BLNK: variants seen among roughly 807,000 people sequenced by gnomAD.
BLNK encodes B cell linker, also known as B-cell linker protein.
BLNK carries 29 observed loss-of-function variants against 73.5 expected under a neutral mutation model. The observed-to-expected ratio is 0.39, with a 90% CI of 0.29 to 0.54. The LOEUF is 0.54. Among genes scored for constraint, BLNK ranks in the 20% least tolerant of loss-of-function variants. The probability of loss-of-function intolerance (pLI) is 0.61; values close to 1 mark genes in which losing one functional copy is unlikely to be tolerated. For missense variants in BLNK, 460 were observed against 562.8 expected (o/e 0.82, Z 1.85); for synonymous variants, 176 against 200.8 (o/e 0.88, Z 1.04).
rs1258179258 is a variant in BLNK at position 96,200,925 on chromosome 10, G to A, written c.1011+57C>T. 1 of 1,459,748 alleles carries A rather than the reference G, an allele frequency of 6.9e-7. No individual in the cohort carries two copies. 90.4% of individuals were successfully genotyped at this position (1,459,748 alleles called of 1,614,324 possible). On this transcript the variant is annotated intron_variant, in intron 14 of 16. Transcript: ENST00000224337. This position sits in a 1 kb window ranked among gnomAD's most constrained non-coding sequence, Gnocchi z 4.3. ...CAAATGTCTTCTTCTCAGAAGACAT[G>A]CTCTTTCCTGCAGTTTCCTGGTAAC...
Position 96,236,611 on chromosome 10 carries a change from C to T in BLNK, c.164-5777G>A, listed in dbSNP as rs868995677. 1.9e-4 allele frequency among the ~76,000 whole-genome samples: 29 copies of T among 152,068 alleles called. No individual in the cohort carries two copies. The Middle Eastern group carries it at 0.014, about 71-fold the overall frequency. ...CCAGGGCAGGAGGATCACTGGAGGCCGGGAATTTGAGAACACCCTGGACAA... is the reference window on the plus strand; with the variant it reads ...CCAGGGCAGGAGGATCACTGGAGGCTGGGAATTTGAGAACACCCTGGACAA... On this transcript the variant is annotated intron_variant, in intron 3 of 16. Coordinates refer to ENST00000224337, the MANE Select transcript of BLNK (RefSeq NM_013314.4).
intron 4 of BLNK, among the ~76,000 whole-genome samples, chr10:96,230,237 G>T (rs1476940139): frequency 6.6e-6 from 1 of 152,192 alleles, no homozygotes; most frequent in Non-Finnish European, 1.5e-5. Flanking sequence ...CCGGAGCTCT[G>T]CTAATGTTCT....
chr10:96,259,670 C>CTTTTTTTTTTTTTTTTTTTT (rs57821919), intron 1 of BLNK, among the ~76,000 whole-genome samples: 7 of 44,870 alleles, frequency 1.6e-4, no homozygotes, highest in East Asian at 1.6e-3. Context: ...CACACCCTAC[C>CTTTTTTTTTTTTTTTTTTTT]TTTTTTTTTT....
chr10:96,224,134 G>A (rs1455534717), intron 5 of BLNK, 145 bp from the exon 6 acceptor site: 22 of 986,400 alleles, frequency 2.2e-5, no homozygotes, highest in East Asian at 1.3e-4. Context: ...AAAGAGTAAA[G>A]TGAAATGTTA....
chr10:96,264,450 C>T (rs1255941839), intron 1 of BLNK, among the ~76,000 whole-genome samples: 1 of 152,214 alleles, frequency 6.6e-6, no homozygotes, highest in Admixed American at 6.5e-5. Flanking sequence ...TCTGACATTA[C>T]AAGAGACAGC....
At chr10:96,216,371 C>T (rs1388460919) in intron 7 of BLNK, 6 of 453,666 alleles carry the variant, frequency 1.3e-5, no homozygotes, top group Middle Eastern at 6.2e-4. Flanking sequence ...CCATTTGAAG[C>T]GAGGGCAGCT....
At chr10:96,258,110 T>C (rs782439700) in intron 1 of BLNK, among the ~76,000 whole-genome samples, 1 of 152,214 alleles carries the variant, frequency 6.6e-6, no homozygotes, top group Non-Finnish European at 1.5e-5. Flanking sequence ...GGCTTCCTAA[T>C]GCTCACTTCC....
At position 96,247,023 on chromosome 10, in the gene BLNK, A is replaced by G; in HGVS notation, c.74T>C (p.Ile25Thr). ...CATTATTCCACCTTCATTGTTTTTA[A>G]TATCATGGACCATCTTTTGAAGCTG... Reference protein sequence around the residue: ...LRQLQKMVHDIKNNEGGIMNK... With the variant: ...LRQLQKMVHDTKNNEGGIMNK... Residue 25 changes from isoleucine (I) to threonine (T), a missense_variant, in exon 2 of 17, where the codon ATT becomes ACT. Physicochemically the swap from Ile to Thr is moderately conservative, Grantham distance 89. Transcript: ENST00000224337. 6.2e-7 allele frequency: 1 copy of G among 1,608,212 alleles called. No homozygotes were observed. The highest frequency in any genetic ancestry group is 8.5e-7 in the Non-Finnish European group (1 of 1,176,642).
intron 1 of BLNK, among the ~76,000 whole-genome samples, chr10:96,260,864 G>C (rs1466276895): frequency 6.7e-6 from 1 of 148,564 alleles, no homozygotes; most frequent in Non-Finnish European, 1.5e-5. Flanking sequence ...TTTTTTTTGA[G>C]ACAGGGTCTC....
chr10:96,221,439 T>C (rs906879673), intron 6 of BLNK, among the ~76,000 whole-genome samples: 18 of 152,254 alleles, frequency 1.2e-4, no homozygotes, highest in Admixed American at 7.9e-4. Flanking sequence ...CATATCTTAA[T>C]GTTGGCTTCT....
At position 96,270,365 on chromosome 10, in the gene BLNK, T is replaced by C. The variant is rs1004124255; in HGVS notation, c.47+987A>G. Among the ~76,000 whole-genome samples the C allele has an allele frequency of 2.0e-5, 3 of 152,220 alleles. No individual in the cohort carries two copies. The South Asian group carries it at 6.2e-4, about 32-fold the overall frequency. Reference sequence around the variant, plus strand: ...TCTGTGATTACTTGTCTGCTACATGTGTCACATCACCCCCTGAACATTTGG... The same window carrying C: ...TCTGTGATTACTTGTCTGCTACATGCGTCACATCACCCCCTGAACATTTGG... On this transcript the variant is annotated intron_variant, in intron 1 of 16. Transcript: ENST00000224337.
intron 3 of BLNK, among the ~76,000 whole-genome samples, chr10:96,241,602 A>T (rs1183865182): frequency 6.6e-6 from 1 of 152,184 alleles, no homozygotes; most frequent in African/African-American, 2.4e-5. Flanking sequence ...ACAGCTTTTG[A>T]TGGAGGAAGT....
chr10:96,210,373 C>T (rs587672342), intron 8 of BLNK: 76 of 193,596 alleles, frequency 3.9e-4, no homozygotes, highest in African/African-American at 1.7e-3. Context: ...GACAGTGCTC[C>T]TTTATAAGCA....
At chr10:96,210,863 GT>G (rs377260098) in intron 8 of BLNK, among the ~76,000 whole-genome samples, 1,470 of 121,892 alleles carry the variant, frequency 0.012, 9 homozygotes, top group African/African-American at 0.035. Context: ...CCACAATTCC[GT>G]TTTTTTTTTT....
At chr10:96,253,859 C>CA (rs782234797) in intron 1 of BLNK, among the ~76,000 whole-genome samples, 2,285 of 139,726 alleles carry the variant, frequency 0.016, 64 homozygotes, top group African/African-American at 0.05. Flanking sequence ...ACTAAAAATA[C>CA]AAAAAAAAAA....
intron 13 of BLNK, among the ~76,000 whole-genome samples, chr10:96,201,705 T>C (rs2083640885): frequency 1.4e-5 from 2 of 146,308 alleles, no homozygotes; most frequent in Admixed American, 1.4e-4. Context: ...AGTCTAAATG[T>C]GGAAACATGT....
At chr10:96,216,568 C>T in intron 7 of BLNK, 85 bp downstream of exon 7, 1 of 1,175,530 alleles carries the variant, frequency 8.5e-7, no homozygotes, top group Admixed American at 1.7e-5. Context: ...CATTTCTGAG[C>T]CTCTTAGTGC....
chr10:96,231,568 A>C (rs587714968), intron 3 of BLNK, among the ~76,000 whole-genome samples: 1 of 152,116 alleles, frequency 6.6e-6, no homozygotes, highest in East Asian at 1.9e-4. Context: ...CTCTACAAAA[A>C]ATAAAATAAT....
chr10:96,234,118 T>G (rs1554904653), intron 3 of BLNK, among the ~76,000 whole-genome samples: 2 of 152,238 alleles, frequency 1.3e-5, no homozygotes, highest in African/African-American at 4.8e-5. Context: ...GAAGCCAGGC[T>G]GTGTTGGCTC....
Sources: allele counts gnomAD v4.1 joint callset (sites outside exome capture counted in the v4.1 genomes callset), GRCh38; gene constraint gnomAD v4.1.1; non-coding constraint Gnocchi (gnomAD v3.1); transcripts MANE v1.5; gene names NCBI Gene and HGNC (gene_info 2026-07-23, HGNC 2026-07-21).